CDH18: variants seen among roughly 807,000 people sequenced by gnomAD.
CDH18 encodes cadherin-18.
In CDH18, 31 loss-of-function variants were observed where a neutral mutation model predicts 67.9. The observed-to-expected ratio is 0.46, with a 90% CI of 0.34 to 0.62. The LOEUF is 0.62. CDH18 is among the 20% of genes least tolerant of loss of function. The pLI is 0.01. For missense variants in CDH18, 890 were observed against 975.5 expected (o/e 0.91, Z 1.17); for synonymous variants, 362 against 347.2 (o/e 1.04, Z -0.48).
intron 1 of CDH18, among the ~76,000 whole-genome samples, chr5:20,515,314 A>G (rs1028409917): frequency 6.6e-6 from 1 of 151,668 alleles, no homozygotes; most frequent in African/African-American, 2.4e-5. Context: ...TAATAAAAAA[A>G]AAAAAAAGGA....
At chr5:20,406,103 A>G (rs1746225618) in intron 1 of CDH18, among the ~76,000 whole-genome samples, 2 of 152,196 alleles carry the variant, frequency 1.3e-5, no homozygotes, top group South Asian at 2.1e-4. Context: ...AAAGGACTAT[A>G]AATCATGCTG....
chr5:19,933,029 G>A (rs1023291863), intron 2 of CDH18, among the ~76,000 whole-genome samples: 1 of 151,516 alleles, frequency 6.6e-6, no homozygotes, highest in Middle Eastern at 3.4e-3. Context: ...TACCTTATAG[G>A]TATATATACC....
At chr5:19,519,560 T>C (rs935821605) in intron 10 of CDH18, among the ~76,000 whole-genome samples, 11 of 152,204 alleles carry the variant, frequency 7.2e-5, no homozygotes, top group African/African-American at 2.7e-4. Context: ...CACGCCTTCC[T>C]GTAATCCCTC....
chr5:19,494,862 T>C (rs896432630), intron 11 of CDH18, among the ~76,000 whole-genome samples: 6 of 152,208 alleles, frequency 3.9e-5, no homozygotes, highest in Admixed American at 2.0e-4. Context: ...TAGCTGTCCA[T>C]GTTATCCCAG....
At chr5:19,922,759 T>C (rs1193130259) in intron 2 of CDH18, among the ~76,000 whole-genome samples, 5 of 152,190 alleles carry the variant, frequency 3.3e-5, no homozygotes, top group Non-Finnish European at 7.3e-5. Flanking sequence ...TCCATTATTC[T>C]ACTGGAGAAC....
intron 2 of CDH18, among the ~76,000 whole-genome samples, chr5:20,137,947 C>T (rs573531860): frequency 6.6e-6 from 1 of 152,188 alleles, no homozygotes; most frequent in South Asian, 2.1e-4. Flanking sequence ...AGAGGGAATC[C>T]TCCCTAACTC....
chr5:19,717,984 A>G (rs1359234688), intron 5 of CDH18, among the ~76,000 whole-genome samples: 1 of 152,018 alleles, frequency 6.6e-6, no homozygotes, highest in Non-Finnish European at 1.5e-5. Flanking sequence ...GTCATTAAAA[A>G]CAATACATTT....
chr5:20,291,259 A>G (rs1747083580), intron 1 of CDH18, among the ~76,000 whole-genome samples: 1 of 152,166 alleles, frequency 6.6e-6, no homozygotes, highest in Non-Finnish European at 1.5e-5. Flanking sequence ...CTATTAGCAA[A>G]TAGATGATAG....
chr5:20,236,819 A>C (rs2126527368), intron 2 of CDH18, among the ~76,000 whole-genome samples: 1 of 152,158 alleles, frequency 6.6e-6, no homozygotes, highest in South Asian at 2.1e-4. Flanking sequence ...ATTATTCCTC[A>C]GTTTATTTTA....
At chr5:19,897,876 T>C (rs1378920504) in intron 2 of CDH18, among the ~76,000 whole-genome samples, 4 of 152,044 alleles carry the variant, frequency 2.6e-5, no homozygotes, top group Non-Finnish European at 5.9e-5. Flanking sequence ...AGGAACCTTG[T>C]AGGGGGTGAA....
intron 2 of CDH18, among the ~76,000 whole-genome samples, chr5:20,161,785 C>T (rs775451913): frequency 9.9e-5 from 15 of 152,136 alleles, no homozygotes; most frequent in Admixed American, 2.0e-4. Flanking sequence ...TTGAGGCATG[C>T]AGATTTATTC....
chr5:20,067,356 T>C (rs1446427174), intron 2 of CDH18, among the ~76,000 whole-genome samples: 3 of 151,454 alleles, frequency 2.0e-5, no homozygotes. Context: ...TATTTTAGAC[T>C]TCCTCTGATT....
intron 1 of CDH18, among the ~76,000 whole-genome samples, chr5:20,548,863 G>A (rs1306372378): frequency 6.6e-6 from 1 of 152,098 alleles, no homozygotes; most frequent in Non-Finnish European, 1.5e-5. Flanking sequence ...GTCTTGATCT[G>A]GAAAATCTTA....
chr5:20,328,716 C>A (rs1738864197), intron 1 of CDH18, among the ~76,000 whole-genome samples: 2 of 152,148 alleles, frequency 1.3e-5, no homozygotes, highest in South Asian at 4.1e-4. Flanking sequence ...CATACCGGGT[C>A]AGGCATGGTG....
chr5:20,356,400 C>A (rs10078169), intron 1 of CDH18, among the ~76,000 whole-genome samples: 86,294 of 151,876 alleles, frequency 0.57, 26,145 homozygotes, highest in East Asian at 0.81. Flanking sequence ...CAAACAAAAC[C>A]ACCACAACAA....
intron 2 of CDH18, among the ~76,000 whole-genome samples, chr5:20,023,401 T>C (rs1232232465): frequency 6.6e-6 from 1 of 152,068 alleles, no homozygotes; most frequent in Non-Finnish European, 1.5e-5. Context: ...TCTAGCTAGT[T>C]AAATAAGAAA....
chr5:19,734,726 C>T (rs550252869), intron 4 of CDH18, among the ~76,000 whole-genome samples: 2 of 152,212 alleles, frequency 1.3e-5, no homozygotes, highest in African/African-American at 4.8e-5. Context: ...GCCCATTAAT[C>T]CAGTTTCAAT....
chr5:20,377,970 A>G (rs34246929), intron 1 of CDH18, among the ~76,000 whole-genome samples: 4,428 of 49,492 alleles, frequency 0.089, 97 homozygotes, highest in Middle Eastern at 0.26. Context: ...CTTTAATGGA[A>G]CAATTATGAA....
chr5:20,153,733 C>A (rs1341490254), intron 2 of CDH18, among the ~76,000 whole-genome samples: 1 of 152,156 alleles, frequency 6.6e-6, no homozygotes, highest in Admixed American at 6.5e-5. Flanking sequence ...TTCCTTTATA[C>A]ATGCATCAAG....
Sources: gnomAD v4.1 joint callset for allele counts (sites outside exome capture counted in the v4.1 genomes callset) on GRCh38, gnomAD v4.1.1 for gene constraint, MANE v1.5 for transcripts, NCBI Gene and HGNC (gene_info 2026-07-23, HGNC 2026-07-21) for gene names.